SVEP1: variants seen among roughly 807,000 people sequenced by gnomAD.
The protein encoded by SVEP1 is sushi, von Willebrand factor type A, EGF and pentraxin domain containing 1.
SVEP1 carries 164 observed loss-of-function variants against 367.3 expected under a neutral mutation model. The observed-to-expected ratio is 0.45, with a 90% CI of 0.39 to 0.51. The LOEUF (loss-of-function observed/expected upper bound fraction) is 0.51. Ranked by LOEUF, SVEP1 falls within the 20% of genes least tolerant of loss-of-function variation. The pLI is 0.00. For missense variants in SVEP1, 4,117 were observed against 4,425.3 expected (o/e 0.93, Z 1.98); for synonymous variants, 1,666 against 1,611.6 (o/e 1.03, Z -0.81).
intron 3 of SVEP1, among the ~76,000 whole-genome samples, chr9:110,540,276 C>T (rs1830128432): frequency 6.6e-6 from 1 of 151,982 alleles, no homozygotes; most frequent in Non-Finnish European, 1.5e-5. Flanking sequence ...TTCATTAGAT[C>T]CACAGTTTTG....
chr9:110,499,542 T>C (rs1829500639), intron 6 of SVEP1, among the ~76,000 whole-genome samples: 1 of 152,224 alleles, frequency 6.6e-6, no homozygotes, highest in African/African-American at 2.4e-5. Flanking sequence ...GTTAGCAGAA[T>C]ATTATTTTAT....
intron 8 of SVEP1, among the ~76,000 whole-genome samples, chr9:110,492,419 T>C (rs546862875): frequency 6.6e-5 from 10 of 152,092 alleles, no homozygotes; most frequent in Non-Finnish European, 1.5e-4. Context: ...CTCCTTTTAC[T>C]TGGGCGAAAT....
chr9:110,371,629 T>C (rs1827277285), intron 46 of SVEP1, among the ~76,000 whole-genome samples: 1 of 152,150 alleles, frequency 6.6e-6, no homozygotes, highest in Admixed American at 6.5e-5. Context: ...ATCTCTACTC[T>C]CAAGCTTGCT....
intron 11 of SVEP1, among the ~76,000 whole-genome samples, chr9:110,482,057 T>C (rs75488028): frequency 0.028 from 4,288 of 152,276 alleles, 192 homozygotes; most frequent in African/African-American, 0.098. Flanking sequence ...CTGGATAACA[T>C]TGTGCAGCAA....
intron 3 of SVEP1, among the ~76,000 whole-genome samples, chr9:110,519,651 C>A (rs1829853151): frequency 2.0e-5 from 3 of 152,294 alleles, no homozygotes; most frequent in Middle Eastern, 3.4e-3. Flanking sequence ...CATTGTCCAG[C>A]CAATTGCCTG....
intron 21 of SVEP1, 126 bp from the exon 22 acceptor site, chr9:110,455,829 A>G: frequency 2.2e-6 from 1 of 450,164 alleles, no homozygotes; most frequent in South Asian, 4.5e-5. Context: ...AAAGGGTAAT[A>G]TTCATTAAGT....
In SVEP1 at chr9:110,579,116, C is replaced by G; in HGVS notation, c.428G>C (p.Arg143Pro). ...CGCGCACTTGTGCTGGCGCGCGCGG[C>G]GGGTGGAGATGTAATCGACGCGCGG... The part of the protein sequence containing the change: ...VVPRVDYIST[R>P]RARQHKCALL... Residue 143 changes from arginine (R) to proline (P), a missense_variant, in exon 1 of 48, where the codon CGC (arginine) becomes CCC (proline). Arg to Pro is a moderately radical substitution (Grantham distance 103). This residue lies in a region of SVEP1 where 2,174 missense variants were observed against 2,494.3 expected (regional missense o/e 0.87). Coordinates refer to ENST00000374469, the MANE Select transcript of SVEP1 (RefSeq NM_153366.4). This position sits in a 1 kb window ranked among gnomAD's most constrained non-coding sequence, Gnocchi z 5.3. 1 of 1,553,378 alleles carries G rather than the reference C, an allele frequency of 6.4e-7. No homozygotes were observed. The highest frequency in any genetic ancestry group is 8.7e-7 in the Non-Finnish European group (1 of 1,148,920).
intron 40 of SVEP1, among the ~76,000 whole-genome samples, chr9:110,390,720 T>C (rs1827642206): frequency 6.6e-6 from 1 of 152,026 alleles, no homozygotes; most frequent in Admixed American, 6.6e-5. Flanking sequence ...AAGGGAACTC[T>C]GAAAAGGGTA....
chr9:110,390,719 C>G (rs933907313), intron 40 of SVEP1, among the ~76,000 whole-genome samples: 57 of 151,978 alleles, frequency 3.8e-4, no homozygotes, highest in African/African-American at 1.3e-3. Flanking sequence ...CAAGGGAACT[C>G]TGAAAAGGGT....
At chr9:110,513,168 T>C in intron 4 of SVEP1, 63 bp from the exon 5 acceptor site, 1 of 1,456,998 alleles carries the variant, frequency 6.9e-7, no homozygotes, top group Non-Finnish European at 9.2e-7. Flanking sequence ...CATATCCTTT[T>C]TTTTTTTTCT....
intron 14 of SVEP1, chr9:110,475,738 G>T (rs936249815): frequency 6.3e-6 from 1 of 157,850 alleles, no homozygotes; most frequent in Non-Finnish European, 1.4e-5. Context: ...AGTATACATA[G>T]AGAAAACATC....
chr9:110,579,261 C>G lies in SVEP1; in HGVS notation c.283G>C (p.Gly95Arg). The change falls in exon 1 of 48, where the codon GGC becomes CGC. Residue 95 changes from glycine to arginine, a missense_variant. Coordinates refer to ENST00000374469, the MANE Select transcript of SVEP1 (RefSeq NM_153366.4). This position sits in a 1 kb window ranked among gnomAD's most constrained non-coding sequence, Gnocchi z 5.3. The stretch of plus-strand genomic sequence containing the variant: ...AGCTCGCTGCGGAAGTTGACTTCGC[C>G]CACGCTGGACGAATCATCCACCAGG... ...VFLVDDSSSV[G>R]EVNFRSELMF... 3 of 1,571,356 alleles carry G rather than the reference C, an allele frequency of 1.9e-6. No individual in the cohort carries two copies. Among genetic ancestry groups the G allele is most frequent in the South Asian group, 2.3e-5 (2 of 85,498 alleles).
At chr9:110,477,827 T>C (rs1250621684) in intron 13 of SVEP1, among the ~76,000 whole-genome samples, 1 of 152,166 alleles carries the variant, frequency 6.6e-6, no homozygotes, top group Non-Finnish European at 1.5e-5. Flanking sequence ...CATCATCTCT[T>C]GCTTTCATTT....
intron 18 of SVEP1, among the ~76,000 whole-genome samples, chr9:110,465,356 T>C (rs1399990465): frequency 1.3e-5 from 2 of 151,976 alleles, no homozygotes; most frequent in East Asian, 3.8e-4. Flanking sequence ...TCAGAATCTC[T>C]GGGAGAGAGG....
rs1827952197 is a variant in SVEP1 at position 110,406,229 on chromosome 9, G to A, written c.9371C>T (p.Ser3124Phe). The A allele has an allele frequency of 6.2e-7, 1 of 1,612,360 alleles. No individual in the cohort carries two copies. Among genetic ancestry groups the A allele is most frequent in the Non-Finnish European group, 8.5e-7 (1 of 1,179,060 alleles). ...CACTGCATTGGCGACAGACGGTGGG[G>A]ACCCACAGGACAAGGGCTCACAGAC... ...YPVCEPLSCG[S>F]PPSVANAVAT... The change falls in exon 38 of 48, where the codon TCC becomes TTC. Residue 3124 changes from serine to phenylalanine, a missense_variant. By Grantham distance (155) the Ser-to-Phe change is radical. Coordinates refer to ENST00000374469, the MANE Select transcript of SVEP1 (RefSeq NM_153366.4).
intron 2 of SVEP1, 25 bp from the exon 3 acceptor site, chr9:110,546,316 C>T (rs376686017): frequency 8.9e-5 from 138 of 1,556,224 alleles, no homozygotes; most frequent in South Asian, 2.4e-4. Flanking sequence ...TGACAGAGGG[C>T]GATAAAAATG....
chr9:110,522,719 C>A (rs143378538), intron 3 of SVEP1, among the ~76,000 whole-genome samples: 1 of 152,070 alleles, frequency 6.6e-6, no homozygotes, highest in Admixed American at 6.6e-5. Flanking sequence ...CCCTTTGGGT[C>A]CTATAAAGAG....
In SVEP1 at chr9:110,406,463, C is replaced by G. The variant is rs764161775; in HGVS notation, c.9137G>C (p.Cys3046Ser). 1 of 1,613,994 alleles carries G rather than the reference C, an allele frequency of 6.2e-7. No homozygotes were observed. Among genetic ancestry groups the G allele is most frequent in the South Asian group, 1.1e-5 (1 of 91,084 alleles). ...FKLLGLSEITCEADGQWSSGF... is the reference protein window; with the variant it reads ...FKLLGLSEITSEADGQWSSGF... ...AGAGCTCCACTGGCCATCGGCTTCA[C>G]AGGTGATTTCAGAAAGTCCTAGGAG... Residue 3046 changes from cysteine (C) to serine (S), a missense_variant, in exon 38 of 48, where the codon TGT (cysteine) becomes TCT (serine). By Grantham distance (112) the Cys-to-Ser change is moderately radical. Transcript: ENST00000374469.
intron 14 of SVEP1, among the ~76,000 whole-genome samples, chr9:110,474,475 C>G (rs77440715): frequency 0.034 from 5,207 of 152,196 alleles, 298 homozygotes; most frequent in African/African-American, 0.12. Flanking sequence ...TTTAGGATCA[C>G]AGGATCACAT....
Sources: gnomAD v4.1 joint callset for allele counts (sites outside exome capture counted in the v4.1 genomes callset) on GRCh38, gnomAD v4.1.1 for gene constraint, gnomAD v4.1.1 regional missense constraint, Gnocchi (gnomAD v3.1) non-coding constraint, MANE v1.5 for transcripts, NCBI Gene and HGNC (gene_info 2026-07-23, HGNC 2026-07-21) for gene names.